Variants in BRIP1 observed in about 807,000 individuals in gnomAD.
BRIP1 encodes the protein Fanconi anemia group J protein.
In BRIP1, 88 loss-of-function variants were observed where a neutral mutation model predicts 119.7. The ratio of observed to expected loss-of-function variants is 0.74; its 90% CI spans 0.62 to 0.88. The LOEUF (loss-of-function observed/expected upper bound fraction) is 0.88. Among genes scored for constraint, BRIP1 ranks in the 40% least tolerant of loss-of-function variants. The pLI is 0.00. For missense variants in BRIP1, 1,259 were observed against 1,455.4 expected, an observed-to-expected ratio of 0.87 and a Z score of 2.20; for synonymous variants, 443 against 496.5, an observed-to-expected ratio of 0.89 and a Z score of 1.43.
chr17:61,685,640 C>A, intron 19 of BRIP1, 196 bp downstream of exon 19: 1 of 574,986 alleles, frequency 1.7e-6, no homozygotes, highest in Non-Finnish European at 3.0e-6. Flanking sequence ...AGTGGAAAAC[C>A]AGAAAATATG....
chr17:61,830,355 A>T (rs2078475284), intron 6 of BRIP1, among the ~76,000 whole-genome samples: 1 of 151,854 alleles, frequency 6.6e-6, no homozygotes, highest in Non-Finnish European at 1.5e-5. Context: ...CAGAAAGTCA[A>T]CAAAAACTTT....
At chr17:61,801,551 T>G in intron 7 of BRIP1, 77 bp from the exon 8 acceptor site, 1 of 1,311,776 alleles carries the variant, frequency 7.6e-7, no homozygotes, top group Non-Finnish European at 1.1e-6. Flanking sequence ...TCTCAGAATT[T>G]GAGGAACATC....
chr17:61,685,419 T>C (rs1410214702), intron 19 of BRIP1: 1 of 184,374 alleles, frequency 5.4e-6, no homozygotes, highest in East Asian at 1.4e-4. Context: ...TAGAAGTATC[T>C]ACATAAAAAT....
rs2077887181 is a variant in BRIP1, at chr17:61,795,575, G to A, written c.1341-1846C>T. ...CAATTTTATCCATTTTGTTGCAAATGACAGGATCTCCTTCTGTGTTATGGC... is the reference window on the plus strand; with the variant it reads ...CAATTTTATCCATTTTGTTGCAAATAACAGGATCTCCTTCTGTGTTATGGC... On this transcript the variant is annotated intron_variant, in intron 9 of 19. Transcript: ENST00000259008. This position sits in a 1 kb window ranked among gnomAD's most constrained non-coding sequence, Gnocchi z 5.6. Among the ~76,000 whole-genome samples, 1 of 152,072 alleles carries A rather than the reference G, an allele frequency of 6.6e-6. No homozygotes were observed.
At chr17:61,711,871 A>C (rs1487757266) in intron 17 of BRIP1, among the ~76,000 whole-genome samples, 1 of 131,998 alleles carries the variant, frequency 7.6e-6, no homozygotes, top group Non-Finnish European at 1.7e-5. Flanking sequence ...CTCTCAAAAA[A>C]AAAATAATAA....
At chr17:61,849,409 T>TGTA (rs1308269495) in intron 4 of BRIP1, among the ~76,000 whole-genome samples, 153 bp from the exon 5 acceptor site, 2 of 152,202 alleles carry the variant, frequency 1.3e-5, no homozygotes, top group Non-Finnish European at 2.9e-5. Context: ...AAAGTACTTC[T>TGTA]CTACCATTCA....
chr17:61,765,382 TATATA>T (rs1567798683), intron 14 of BRIP1, among the ~76,000 whole-genome samples: 812 of 18,204 alleles, frequency 0.045, 14 homozygotes, highest in African/African-American at 0.055. Flanking sequence ...GTATATATTA[TATATA>T]TATATATATA....
In BRIP1 at chr17:61,860,202, T is replaced by A. The variant is rs1434463495; in HGVS notation, c.94-295A>T. On this transcript the variant is annotated intron_variant, in intron 2 of 19. Coordinates refer to ENST00000259008, the MANE Select transcript of BRIP1 (RefSeq NM_032043.3). This position sits in a 1 kb window ranked among gnomAD's most constrained non-coding sequence, Gnocchi z 4.1. ...ACCAGAATACATTACTACCTATCAA[T>A]ATATTTGATGAAAACTTAATGAAGG... is the stretch of plus-strand genomic sequence containing the variant. 6.6e-6 allele frequency among the ~76,000 whole-genome samples: 1 copy of A among 152,226 alleles called. No homozygotes were observed. Among genetic ancestry groups the A allele is most frequent in the East Asian group, 1.9e-4 (1 of 5,204 alleles).
Position 61,695,498 on chromosome 17 carries a change from AATC to A in BRIP1, c.2493-1989_2493-1987del, listed in dbSNP as rs2061507000. 6.6e-6 allele frequency among the ~76,000 whole-genome samples: 1 copy of A among 152,156 alleles called. No homozygotes were observed. Among genetic ancestry groups the A allele is most frequent in the Non-Finnish European group, 1.5e-5 (1 of 67,978 alleles). ...CCTTGCTTTTCCATAATAATTTTAGAATCAGCTTCTCAATTCCTGCCAGAAAGT... is the reference window on the plus strand; with the variant it reads ...CCTTGCTTTTCCATAATAATTTTAGAAGCTTCTCAATTCCTGCCAGAAAGT... On this transcript the variant is annotated intron_variant, in intron 17 of 19. Transcript: ENST00000259008. This position sits in a 1 kb window ranked among gnomAD's most constrained non-coding sequence, Gnocchi z 4.3.
rs2077084551 is a variant in BRIP1 at position 61,748,198 on chromosome 17, A to G, written c.2098-3607T>C. On this transcript the variant is annotated intron_variant, in intron 14 of 19. Coordinates refer to ENST00000259008, the MANE Select transcript of BRIP1 (RefSeq NM_032043.3). The surrounding 1 kb of genome is among the most constrained non-coding windows in gnomAD (Gnocchi z 4.7). ...AGCAGCATTATATTCTCATAGGGGT[A>G]CAAACACTATTGTGAACTGTGCTTG... Among the ~76,000 whole-genome samples, 1 of 152,162 alleles carries G rather than the reference A, an allele frequency of 6.6e-6. No homozygotes were observed. Among genetic ancestry groups the G allele is most frequent in the African/African-American group, 2.4e-5 (1 of 41,432 alleles).
Position 61,711,873 on chromosome 17 carries a change from A to AT in BRIP1, c.2492+4077_2492+4078insA, listed in dbSNP as rs549419049. On this transcript the variant is annotated intron_variant, in intron 17 of 19. Transcript: ENST00000259008. Reference sequence around the variant, plus strand: ...ACAGAGCAAGACTCTCTCAAAAAAAAAATAATAATAATAATAAAAACAAAA... The same window carrying AT: ...ACAGAGCAAGACTCTCTCAAAAAAAATAATAATAATAATAATAAAAACAAAA... Among the ~76,000 whole-genome samples, 111 of 150,966 alleles carry AT rather than the reference A, an allele frequency of 7.4e-4. No individual in the cohort carries two copies. In the South Asian group the frequency reaches 0.018, roughly 25 times the overall value.
In BRIP1 at chr17:61,862,495, T is replaced by C. The variant is rs1008831167; in HGVS notation, c.-31+789A>G. On this transcript the variant is annotated intron_variant, in intron 1 of 19. Coordinates refer to ENST00000259008, the MANE Select transcript of BRIP1 (RefSeq NM_032043.3). The surrounding 1 kb of genome is among the most constrained non-coding windows in gnomAD (Gnocchi z 5.3). Reference sequence around the variant, plus strand: ...AGGATCTGATACAGATGAGGATCACTTTAATCCTCACCTCTTCTAAACCAC... The same window carrying C: ...AGGATCTGATACAGATGAGGATCACCTTAATCCTCACCTCTTCTAAACCAC... Among the ~76,000 whole-genome samples the C allele has an allele frequency of 6.6e-6, 1 of 152,202 alleles. No homozygotes were observed. The highest frequency in any genetic ancestry group is 2.4e-5 in the African/African-American group (1 of 41,450).
At chr17:61,741,110 T>G (rs1484624734) in intron 16 of BRIP1, among the ~76,000 whole-genome samples, 1 of 152,336 alleles carries the variant, frequency 6.6e-6, no homozygotes, top group Non-Finnish European at 1.5e-5. Context: ...TTCAACAATG[T>G]TCACAGCATC....
intron 16 of BRIP1, among the ~76,000 whole-genome samples, chr17:61,728,030 T>G (rs2076792785): frequency 6.6e-6 from 1 of 152,014 alleles, no homozygotes; most frequent in East Asian, 1.9e-4. Context: ...GGTTTCGCCA[T>G]GTTGGTCAGG....
intron 18 of BRIP1, among the ~76,000 whole-genome samples, chr17:61,692,883 T>A (rs1013952858): frequency 6.6e-6 from 1 of 152,150 alleles, no homozygotes; most frequent in African/African-American, 2.4e-5. Context: ...TTCAAAAAAA[T>A]TGAAATCAGC....
rs1284183092 is a variant in BRIP1 at position 61,691,708 on chromosome 17, C to T, written c.2575+1722G>A. Among the ~76,000 whole-genome samples, 1 of 152,210 alleles carries T rather than the reference C, an allele frequency of 6.6e-6. No individual in the cohort carries two copies. Among genetic ancestry groups the T allele is most frequent in the Non-Finnish European group, 1.5e-5 (1 of 68,040 alleles). On this transcript the variant is annotated intron_variant, in intron 18 of 19. Coordinates refer to ENST00000259008, the MANE Select transcript of BRIP1 (RefSeq NM_032043.3). This position sits in a 1 kb window ranked among gnomAD's most constrained non-coding sequence, Gnocchi z 5.0. ...TGACCTCGTGATCCACCTGCCTTGG[C>T]CTCCCAAAACACTGGGATTACAGGC...
At position 61,796,423 on chromosome 17, in the gene BRIP1, A is replaced by G. The variant is rs1442608377; in HGVS notation, c.1340+2677T>C. 1.3e-5 allele frequency among the ~76,000 whole-genome samples: 2 copies of G among 152,004 alleles called. No homozygotes were observed. The highest frequency in any genetic ancestry group is 2.9e-5 in the Non-Finnish European group (2 of 67,964). On this transcript the variant is annotated intron_variant, in intron 9 of 19. Coordinates refer to ENST00000259008, the MANE Select transcript of BRIP1 (RefSeq NM_032043.3). The surrounding 1 kb of genome is among the most constrained non-coding windows in gnomAD (Gnocchi z 4.8). ...TAAGTCTTTAATCTATTTTGATTTG[A>G]TTTTTGTTAATGGTGAAAGATAGGG...
Position 61,683,130 on chromosome 17 carries a change from C to CAAAAAAAAAAAA in BRIP1, c.*165_*166insTTTTTTTTTTTT, listed in dbSNP as rs111519368. 28 of 754,772 alleles carry CAAAAAAAAAAAA rather than the reference C, an allele frequency of 3.7e-5. No individual in the cohort carries two copies. In the African/African-American group the frequency reaches 4.9e-4, roughly 13 times the overall value. 46.8% of individuals were successfully genotyped at this position (754,772 alleles called of 1,614,324 possible). A position where few individuals can be genotyped will look rare whatever the true frequency, so the allele number is the denominator to read the frequency against. Reference sequence around the variant, plus strand: ...TGGGCAACAGACCAAGACTCTGTCTCAAAAAAAAAAACCCAAAAACTCAAG... The same window carrying CAAAAAAAAAAAA: ...TGGGCAACAGACCAAGACTCTGTCTCAAAAAAAAAAAAAAAAAAAAAAACCCAAAAACTCAAG... On this transcript the variant is annotated 3_prime_UTR_variant, in exon 20 of 20. Coordinates refer to ENST00000259008, the MANE Select transcript of BRIP1 (RefSeq NM_032043.3). This position sits in a 1 kb window ranked among gnomAD's most constrained non-coding sequence, Gnocchi z 4.7.
At chr17:61,837,959 C>T (rs2078599675) in intron 6 of BRIP1, among the ~76,000 whole-genome samples, 1 of 151,994 alleles carries the variant, frequency 6.6e-6, no homozygotes, top group Non-Finnish European at 1.5e-5. Flanking sequence ...TAGGTGGAAA[C>T]TAAATGATTT....
Sources: allele counts gnomAD v4.1 joint callset (sites outside exome capture counted in the v4.1 genomes callset), GRCh38; gene constraint gnomAD v4.1.1; non-coding constraint Gnocchi (gnomAD v3.1); transcripts MANE v1.5; gene names NCBI Gene and HGNC (gene_info 2026-07-23, HGNC 2026-07-21).